The following RMND5B variants were observed in gnomAD, a reference collection of about 807,000 sequenced individuals.
The protein encoded by RMND5B is E3 ubiquitin-protein transferase RMND5B.
RMND5B carries 42 observed loss-of-function variants against 50.4 expected under a neutral mutation model. The observed-to-expected ratio is 0.83, with a 90% CI of 0.65 to 1.08. The LOEUF (loss-of-function observed/expected upper bound fraction) is 1.08, where lower values mean the gene tolerates loss of function less well. RMND5B is among the 50% of genes least tolerant of loss of function. RMND5B has a pLI of 0.00. For missense variants in RMND5B, 463 were observed against 508.5 expected (o/e 0.91, Z 0.86); for synonymous variants, 220 against 210.0 (o/e 1.05, Z -0.41).
Position 178,142,958 on chromosome 5 carries a change from A to G in RMND5B, c.392A>G (p.Gln131Arg). The G allele has an allele frequency of 6.2e-7, 1 of 1,614,186 alleles. No homozygotes were observed. Among genetic ancestry groups the G allele is most frequent in the Middle Eastern group, 1.6e-4 (1 of 6,062 alleles). Residue 131 changes from glutamine to arginine, a missense_variant, in exon 5 of 11, where the codon CAG (glutamine) becomes CGG (arginine). Coordinates refer to ENST00000313386, the MANE Select transcript of RMND5B (RefSeq NM_022762.5). ...GCCATCGTGGAACACCTGTATCAGC[A>G]GGGCATGCTCAGCGTGGCCGAGGAG... ...QMAIVEHLYQ[Q>R]GMLSVAEELC...
intron 3 of RMND5B, among the ~76,000 whole-genome samples, chr5:178,139,071 G>T (rs191988485): frequency 6.6e-6 from 1 of 152,168 alleles, no homozygotes; most frequent in East Asian, 1.9e-4. Context: ...CATGGTGGTG[G>T]GCTGCAGTGA....
intron 7 of RMND5B, among the ~76,000 whole-genome samples, chr5:178,144,706 G>A (rs1236961679): frequency 1.1e-5 from 1 of 93,182 alleles, no homozygotes; most frequent in Non-Finnish European, 2.3e-5. Context: ...GTGACAGAGT[G>A]AGACTCCGTC....
chr5:178,138,006 T>C lies in RMND5B; in HGVS notation c.-12-102T>C, dbSNP rs1219787456. On this transcript the variant is annotated intron_variant, in intron 2 of 10. Coordinates refer to ENST00000313386, the MANE Select transcript of RMND5B (RefSeq NM_022762.5). The surrounding 1 kb of genome is among the most constrained non-coding windows in gnomAD (Gnocchi z 5.1). ...GTACAAAACATATAACATTGATACA[T>C]GATGTGGGAATGGTGAGAGGGATCT... 15 of 1,004,912 alleles carry C rather than the reference T, an allele frequency of 1.5e-5. No homozygotes were observed. Among genetic ancestry groups the C allele is most frequent in the Non-Finnish European group, 2.2e-5 (15 of 688,944 alleles). 62.2% of individuals were successfully genotyped at this position (1,004,912 alleles called of 1,614,324 possible). A position where few individuals can be genotyped will look rare whatever the true frequency, so the allele number is the denominator to read the frequency against.
At chr5:178,142,375 G>A in intron 3 of RMND5B, 1 of 585,506 alleles carries the variant, frequency 1.7e-6, no homozygotes, top group Non-Finnish European at 3.0e-6. Context: ...AAGGCTCCCA[G>A]AGGTGAACTG....
In RMND5B at chr5:178,147,827, C is replaced by T. The variant is rs538081524; in HGVS notation, c.1062C>T (p.Leu354=). The stretch of plus-strand genomic sequence containing the variant: ...CAGATTCCAACCCTCCCATCAAGCT[C>T]ATCTGTGGCCATGTTATCTCCCGAG... ...QTSDSNPPIK[L]ICGHVISRDA... is the part of the protein sequence containing the mutation. Residue 354 remains leucine, a synonymous_variant, in exon 10 of 11, where the codon CTC becomes CTT. Coordinates refer to ENST00000313386, the MANE Select transcript of RMND5B (RefSeq NM_022762.5). The T allele has an allele frequency of 6.2e-7, 1 of 1,614,168 alleles. No homozygotes were observed. The highest frequency in any genetic ancestry group is 1.1e-5 in the South Asian group (1 of 91,066).
Position 178,146,118 on chromosome 5 carries a change from C to T in RMND5B, c.699C>T (p.Ile233=), listed in dbSNP as rs1581129329. The change falls in exon 8 of 11, where the codon ATC becomes ATT. Residue 233 remains isoleucine (I), a synonymous_variant. Coordinates refer to ENST00000313386, the MANE Select transcript of RMND5B (RefSeq NM_022762.5). ...CCCCCTCTGGTTGCCTTGTAGAGAT[C>T]CAGGTGATGATGGGCAGCCTGGTGT... is the stretch of plus-strand genomic sequence containing the variant. ...QPFARLHQRE[I]QVMMGSLVYL... is the part of the protein sequence containing the mutation. 6.2e-7 allele frequency: 1 copy of T among 1,614,058 alleles called. No individual in the cohort carries two copies. Among genetic ancestry groups the T allele is most frequent in the African/African-American group, 1.3e-5 (1 of 75,068 alleles).
chr5:178,146,699 C>T (rs1385639096), intron 8 of RMND5B: 1 of 159,038 alleles, frequency 6.3e-6, no homozygotes, highest in African/African-American at 2.4e-5. Flanking sequence ...CTGCTGACAC[C>T]TCCCTCAGAG....
chr5:178,144,149 C>A (rs775643652), intron 7 of RMND5B, 41 bp downstream of exon 7: 1 of 1,597,448 alleles, frequency 6.3e-7, no homozygotes, highest in Admixed American at 1.7e-5. Flanking sequence ...CCTGGCCTGA[C>A]ACATGTCTGG....
rs372863133 is a variant in RMND5B at position 178,147,528 on chromosome 5, T to G, written c.861-5T>G. ...GCCACTCTAGCCCCTGTTCCTTGTC[T>G]GCAGCTTTGCCTCTGGCTGTGTGGC... On this transcript the variant is annotated splice_polypyrimidine_tract_variant and splice_region_variant and intron_variant, in intron 8 of 10. Transcript: ENST00000313386. 1.6e-4 allele frequency: 266 copies of G among 1,613,596 alleles called. 2 individuals carry two copies. In the Middle Eastern group the frequency reaches 4.1e-3, roughly 25 times the overall value.
intron 2 of RMND5B, among the ~76,000 whole-genome samples, chr5:178,131,794 T>C (rs939851123): frequency 9.2e-5 from 14 of 152,046 alleles, no homozygotes; most frequent in Non-Finnish European, 1.8e-4. Context: ...AGAAATCAAC[T>C]GAGAGTATAG....
intron 7 of RMND5B, 82 bp downstream of exon 7, chr5:178,144,190 C>A: frequency 6.7e-7 from 1 of 1,483,428 alleles, no homozygotes; most frequent in East Asian, 2.3e-5. Context: ...CTGCCAGTCC[C>A]TGCACCCATG....
In RMND5B at chr5:178,131,072, T is replaced by G. The variant is rs1758261653; in HGVS notation, c.-153+18T>G. On this transcript the variant is annotated intron_variant, in intron 1 of 10. Transcript: ENST00000313386. ...GGGGCGAGGTGAGAGCGGGCGGGCT[T>G]GGGAGCCGGCAGGTGCGGGCCGAGG... is the stretch of plus-strand genomic sequence containing the variant. The G allele has an allele frequency of 6.6e-6, 1 of 151,296 alleles. No individual in the cohort carries two copies. The highest frequency in any genetic ancestry group is 2.4e-5 in the African/African-American group (1 of 41,154). The allele number at this position is 151,296 out of a possible 1,614,324, so 9.4% of individuals were successfully genotyped here.
In RMND5B at chr5:178,144,034, G is replaced by A; in HGVS notation, c.620G>A (p.Gly207Glu). Residue 207 changes from glycine (G) to glutamate (E), a missense_variant, in exon 7 of 11, where the codon GGA becomes GAA. By Grantham distance (98) the Gly-to-Glu change is moderately conservative (BLOSUM62 -2). Transcript: ENST00000313386. ...HRLHFIRLLA[G>E]GPAKQLEALS... ...CTGCACTTCATCCGCCTCTTGGCAG[G>A]AGGCCCCGCGAAGCAGCTGGAGGCC... 1 of 1,614,256 alleles carries A rather than the reference G, an allele frequency of 6.2e-7. No homozygotes were observed. The highest frequency in any genetic ancestry group is 8.5e-7 in the Non-Finnish European group (1 of 1,180,048).
At chr5:178,131,662 T>C (rs911719262) in intron 2 of RMND5B, among the ~76,000 whole-genome samples, 1 of 151,612 alleles carries the variant, frequency 6.6e-6, no homozygotes, top group African/African-American at 2.4e-5. Context: ...TACTGTGGTC[T>C]AGCAGAGCAT....
chr5:178,149,421 C>G lies in RMND5B; in HGVS notation c.*1389C>G, dbSNP rs866744659. On this transcript the variant is annotated 3_prime_UTR_variant, in exon 11 of 11. Coordinates refer to ENST00000313386, the MANE Select transcript of RMND5B (RefSeq NM_022762.5). ...CCCGCCCACCAACTCGCTGGCCCAA[C>G]CAGCAGCTGCTGCTTAAGAAAACAC... 2.7e-5 allele frequency: 10 copies of G among 375,978 alleles called. No individual in the cohort carries two copies. Among genetic ancestry groups the G allele is most frequent in the South Asian group, 4.6e-5 (2 of 43,770 alleles). The allele number at this position is 375,978 out of a possible 1,614,324, so 23.3% of individuals were successfully genotyped here.
rs749013530 is a variant in RMND5B at position 178,147,714 on chromosome 5, C to T, written c.964-15C>T. ...GACAGGAAGTGGAACTCACCCGCTT[C>T]GCTGCCCTTCCCAGATTGAGATTGA... On this transcript the variant is annotated splice_polypyrimidine_tract_variant and intron_variant, in intron 9 of 10. Coordinates refer to ENST00000313386, the MANE Select transcript of RMND5B (RefSeq NM_022762.5). 1.7e-5 allele frequency: 27 copies of T among 1,614,112 alleles called. No homozygotes were observed. The highest frequency in any genetic ancestry group is 8.9e-5 in the East Asian group (4 of 44,888).
At chr5:178,131,981 A>G (rs1758335008) in intron 2 of RMND5B, among the ~76,000 whole-genome samples, 1 of 152,166 alleles carries the variant, frequency 6.6e-6, no homozygotes, top group Non-Finnish European at 1.5e-5. Flanking sequence ...GAGGAGTGAC[A>G]TGTAGGGTAG....
chr5:178,143,688 TG>T lies in RMND5B; in HGVS notation c.490del (p.Glu164LysfsTer72). On this transcript the variant is annotated frameshift_variant, in exon 6 of 11. Transcript: ENST00000313386. LOFTEE classifies it high-confidence loss of function. ...CCTTTCCTAGAGTTGAATCGAATCC[TG>T]GAAGCCCTGCACGAACAAGACCTGG... ...KQPFLELNRILEALHEQDLGP... is the reference protein window; with the variant it reads ...KQPFLELNRIXEALHEQDLGP... The T allele has an allele frequency of 6.2e-7, 1 of 1,614,176 alleles. No individual in the cohort carries two copies. The highest frequency in any genetic ancestry group is 8.5e-7 in the Non-Finnish European group (1 of 1,179,992).
Position 178,150,402 on chromosome 5 carries a change from A to G in RMND5B, c.*2370A>G. 3.9e-6 allele frequency: 1 copy of G among 255,150 alleles called. No homozygotes were observed. Among genetic ancestry groups the G allele is most frequent in the Non-Finnish European group, 7.8e-6 (1 of 127,832 alleles). 15.8% of individuals were successfully genotyped at this position (255,150 alleles called of 1,614,324 possible). On this transcript the variant is annotated 3_prime_UTR_variant, in exon 11 of 11. Transcript: ENST00000313386. ...AGCCTCTATTTTTTTTTTTTGAGACAGGGCCTCACTCTGTCATGCAGTCTG... is the reference window on the plus strand; with the variant it reads ...AGCCTCTATTTTTTTTTTTTGAGACGGGGCCTCACTCTGTCATGCAGTCTG...
Sources: gnomAD v4.1 joint callset for allele counts (sites outside exome capture counted in the v4.1 genomes callset) on GRCh38, gnomAD v4.1.1 for gene constraint, Gnocchi (gnomAD v3.1) non-coding constraint, MANE v1.5 for transcripts, NCBI Gene and HGNC (gene_info 2026-07-23, HGNC 2026-07-21) for gene names.